EYS: variants seen among roughly 807,000 people sequenced by gnomAD.
EYS encodes the protein protein eyes shut homolog.
EYS carries 250 observed loss-of-function variants against 282.1 expected under a neutral mutation model. That is an observed-to-expected ratio of 0.89 (90% confidence interval 0.80 to 0.98). The LOEUF is 0.98. Ranked by LOEUF, EYS falls within the 50% of genes least tolerant of loss-of-function variation. The pLI is 0.00. For missense variants in EYS, 4,016 were observed against 3,709.0 expected, an observed-to-expected ratio of 1.08 and a Z score of -2.15; for synonymous variants, 1,355 against 1,282.9, an observed-to-expected ratio of 1.06 and a Z score of -1.20.
intron 29 of EYS, among the ~76,000 whole-genome samples, chr6:64,351,490 TCTAC>T (rs984978257): frequency 1.3e-5 from 2 of 151,474 alleles, no homozygotes; most frequent in Non-Finnish European, 1.5e-5. Flanking sequence ...TTTATATCTA[TCTAC>T]AGATACAACA....
intron 30 of EYS, among the ~76,000 whole-genome samples, chr6:64,298,291 A>T (rs1160068842): frequency 6.6e-6 from 1 of 152,098 alleles, no homozygotes; most frequent in Non-Finnish European, 1.5e-5. Context: ...TTTGGTTTAT[A>T]ACTTTATATT....
chr6:65,291,983 T>G (rs375194159), intron 12 of EYS, among the ~76,000 whole-genome samples: 2 of 151,712 alleles, frequency 1.3e-5, no homozygotes, highest in Admixed American at 6.6e-5. Context: ...AAGAGAGGGA[T>G]GTACATGCAG....
At chr6:65,275,968 A>G (rs571958515) in intron 12 of EYS, among the ~76,000 whole-genome samples, 5 of 152,114 alleles carry the variant, frequency 3.3e-5, no homozygotes, top group Middle Eastern at 3.4e-3. Context: ...TCCACATAAC[A>G]CTGCTTCTAA....
At chr6:65,366,825 G>A (rs1184596174) in intron 8 of EYS, among the ~76,000 whole-genome samples, 3 of 151,422 alleles carry the variant, frequency 2.0e-5, no homozygotes, top group Non-Finnish European at 2.9e-5. Context: ...CTTTTTCTCA[G>A]CTTCTATTGG....
intron 26 of EYS, among the ~76,000 whole-genome samples, chr6:64,546,907 A>G (rs1764891168): frequency 1.3e-5 from 2 of 152,130 alleles, no homozygotes; most frequent in African/African-American, 2.4e-5. Context: ...AAATAGGAAC[A>G]TTTTTACACT....
rs796331407 is a variant in EYS, at chr6:65,294,958, G to A, written c.2023+905C>T. 5.5e-4 allele frequency among the ~76,000 whole-genome samples: 84 copies of A among 151,954 alleles called. 1 individual carries two copies. Among genetic ancestry groups the A allele is most frequent in the African/African-American group, 1.9e-3 (78 of 41,508 alleles). ...TTGCCTTAAAAAAGCTAATCTGGATGGCTATACATTTATTCCAATGATATC... is the reference window on the plus strand; with the variant it reads ...TTGCCTTAAAAAAGCTAATCTGGATAGCTATACATTTATTCCAATGATATC... On this transcript the variant is annotated intron_variant, in intron 12 of 42. Transcript: ENST00000503581.
At chr6:64,150,549 G>T (rs1051079534) in intron 31 of EYS, among the ~76,000 whole-genome samples, 1 of 152,036 alleles carries the variant, frequency 6.6e-6, no homozygotes, top group African/African-American at 2.4e-5. Context: ...ATGTCTAAAG[G>T]TATTACTAAA....
At chr6:64,195,535 T>C (rs1363842995) in intron 31 of EYS, among the ~76,000 whole-genome samples, 2 of 152,178 alleles carry the variant, frequency 1.3e-5, no homozygotes, top group African/African-American at 4.8e-5. Context: ...ACTCCTGACC[T>C]TGTGATCCGC....
At chr6:64,246,780 G>A (rs551249089) in intron 30 of EYS, among the ~76,000 whole-genome samples, 1 of 152,196 alleles carries the variant, frequency 6.6e-6, no homozygotes, top group Admixed American at 6.5e-5. Flanking sequence ...ACCATTTTTA[G>A]ATATAAAAGC....
chr6:65,175,498 G>A (rs1765203436), intron 12 of EYS, among the ~76,000 whole-genome samples: 1 of 151,314 alleles, frequency 6.6e-6, no homozygotes, highest in South Asian at 2.1e-4. Context: ...ACTGGAATAA[G>A]TGGTGCTCTC....
intron 28 of EYS, among the ~76,000 whole-genome samples, chr6:64,425,666 A>G (rs1049813957): frequency 6.6e-5 from 10 of 151,330 alleles, no homozygotes; most frequent in Non-Finnish European, 1.0e-4. Flanking sequence ...GGAAAAAAAA[A>G]AAAAAAAAAA....
In EYS at chr6:64,835,691, A is replaced by T. The variant is rs566333937; in HGVS notation, c.2993-12869T>A. Among the ~76,000 whole-genome samples, 3 of 151,646 alleles carry T rather than the reference A, an allele frequency of 2.0e-5. No homozygotes were observed. In the Admixed American group the frequency reaches 2.0e-4, roughly 10 times the overall value. ...AGATCAGGCTGTTGTAAACTGGGTT[A>T]ATAGATCTGGGTTTCAACACATAGA... On this transcript the variant is annotated intron_variant, in intron 19 of 42. Transcript: ENST00000503581.
intron 41 of EYS, among the ~76,000 whole-genome samples, chr6:63,750,036 G>T (rs1301725237): frequency 6.6e-6 from 1 of 152,150 alleles, no homozygotes; most frequent in Non-Finnish European, 1.5e-5. Context: ...CAAGTCTGCT[G>T]TTAAACCCCT....
chr6:64,753,345 G>A (rs973546297), intron 22 of EYS, among the ~76,000 whole-genome samples: 1 of 151,826 alleles, frequency 6.6e-6, no homozygotes, highest in East Asian at 1.9e-4. Flanking sequence ...CAAAAACAGG[G>A]TTCAGCCAAA....
At chr6:63,839,778 T>C (rs1771903553) in intron 36 of EYS, among the ~76,000 whole-genome samples, 1 of 152,160 alleles carries the variant, frequency 6.6e-6, no homozygotes, top group East Asian at 1.9e-4. Context: ...CTATTTTTAG[T>C]TTTTTGAGGA....
Position 64,317,557 on chromosome 6 carries a change from A to T in EYS, c.6079-10475T>A, listed in dbSNP as rs1363862052. Among the ~76,000 whole-genome samples, 6 of 152,150 alleles carry T rather than the reference A, an allele frequency of 3.9e-5. No individual in the cohort carries two copies. The East Asian group carries it at 1.2e-3, about 29-fold the overall frequency. On this transcript the variant is annotated intron_variant, in intron 29 of 42. Coordinates refer to ENST00000503581, the MANE Select transcript of EYS (RefSeq NM_001142800.2). ...GATGCTGGAGAGGATGTGAAAAAAT[A>T]GAAACGCTTTTACACTGTTGGTGGG...
chr6:64,666,226 ACC>A (rs896925172), intron 22 of EYS, among the ~76,000 whole-genome samples: 1 of 152,122 alleles, frequency 6.6e-6, no homozygotes, highest in African/African-American at 2.4e-5. Context: ...GTTCAAGTGT[ACC>A]CCCAAACCTA....
chr6:65,444,306 C>T (rs188603816), intron 5 of EYS, among the ~76,000 whole-genome samples: 3 of 152,168 alleles, frequency 2.0e-5, no homozygotes, highest in Non-Finnish European at 2.9e-5. Context: ...AAGACAACAA[C>T]ACAGTGCTAA....
At chr6:63,790,967 C>T (rs1185899186) in intron 37 of EYS, among the ~76,000 whole-genome samples, 1 of 151,926 alleles carries the variant, frequency 6.6e-6, no homozygotes, top group Non-Finnish European at 1.5e-5. Flanking sequence ...TATGGAGAAC[C>T]CATTTCATGC....
Sources: allele counts gnomAD v4.1 joint callset (sites outside exome capture counted in the v4.1 genomes callset), GRCh38; gene constraint gnomAD v4.1.1; transcripts MANE v1.5; gene names NCBI Gene and HGNC (gene_info 2026-07-23, HGNC 2026-07-21).